Variants in PLS1 observed in about 807,000 individuals in gnomAD.
PLS1 encodes plastin 1.
In PLS1, 32 loss-of-function variants were observed where a neutral mutation model predicts 73.7. The observed-to-expected ratio is 0.43, with a 90% CI of 0.33 to 0.58. PLS1 has a LOEUF of 0.58. Among genes scored for constraint, PLS1 ranks in the 20% least tolerant of loss-of-function variants. The pLI is 0.04. For synonymous variants in PLS1, 217 were observed against 261.3 expected, an observed-to-expected ratio of 0.83 and a Z score of 1.63; for missense variants, 633 against 740.5, an observed-to-expected ratio of 0.85 and a Z score of 1.68.
intron 12 of PLS1, among the ~76,000 whole-genome samples, chr3:142,702,960 A>G (rs376038585): frequency 2.0e-4 from 31 of 152,314 alleles, no homozygotes; most frequent in African/African-American, 7.5e-4. Context: ...AAGGCTAAGT[A>G]TAGTAGAAGA....
chr3:142,695,588 T>C (rs1481407753), intron 11 of PLS1, among the ~76,000 whole-genome samples: 4 of 152,156 alleles, frequency 2.6e-5, no homozygotes, highest in Non-Finnish European at 5.9e-5. Context: ...TTTGAAAGAA[T>C]GTCTATAATA....
At chr3:142,597,256 T>C (rs2035830673) in intron 1 of PLS1, 1 of 152,192 alleles carries the variant, frequency 6.6e-6, no homozygotes, top group African/African-American at 2.4e-5. Flanking sequence ...TGGATACACT[T>C]GTATGAGGCT....
At chr3:142,629,660 A>G (rs989846672) in intron 1 of PLS1, among the ~76,000 whole-genome samples, 3 of 152,246 alleles carry the variant, frequency 2.0e-5, no homozygotes, top group African/African-American at 7.2e-5. Context: ...GAACAGTGCC[A>G]GTTCTTACCA....
chr3:142,650,058 T>C (rs980448325), intron 1 of PLS1, among the ~76,000 whole-genome samples: 1 of 152,030 alleles, frequency 6.6e-6, no homozygotes, highest in African/African-American at 2.4e-5. Flanking sequence ...AGAAACCCAG[T>C]TTAAATGGCT....
At chr3:142,708,862 A>C in intron 14 of PLS1, among the ~76,000 whole-genome samples, 1 of 152,238 alleles carries the variant, frequency 6.6e-6, no homozygotes, top group East Asian at 1.9e-4. Flanking sequence ...TCTTGGAAAC[A>C]AGAAGATAAG....
At chr3:142,628,355 ATG>A (rs1190975701) in intron 1 of PLS1, among the ~76,000 whole-genome samples, 8 of 29,594 alleles carry the variant, frequency 2.7e-4, no homozygotes, top group Admixed American at 1.1e-3. Context: ...GCACATGTGC[ATG>A]CAGTGTGCAT....
chr3:142,668,743 A>G (rs1032798469), intron 2 of PLS1, among the ~76,000 whole-genome samples: 1 of 151,934 alleles, frequency 6.6e-6, no homozygotes, highest in Non-Finnish European at 1.5e-5. Context: ...CTTTGATTAC[A>G]GGTGCCCGCC....
At chr3:142,691,694 G>A (rs750472842) in intron 10 of PLS1, among the ~76,000 whole-genome samples, 4 of 152,080 alleles carry the variant, frequency 2.6e-5, no homozygotes, top group Non-Finnish European at 5.9e-5. Context: ...TGCCAAAAAT[G>A]TATTTGACTT....
intron 1 of PLS1, among the ~76,000 whole-genome samples, chr3:142,635,515 A>T (rs2036663004): frequency 6.6e-6 from 1 of 151,964 alleles, no homozygotes; most frequent in Non-Finnish European, 1.5e-5. Context: ...AGGCAGAAGA[A>T]TTGCTTGAAC....
At chr3:142,605,817 T>C (rs1335121355) in intron 1 of PLS1, among the ~76,000 whole-genome samples, 1 of 152,244 alleles carries the variant, frequency 6.6e-6, no homozygotes, top group Non-Finnish European at 1.5e-5. Context: ...AAAATATCCA[T>C]CTCTTTCATC....
chr3:142,679,234 T>G (rs1186747664), intron 6 of PLS1, among the ~76,000 whole-genome samples: 3 of 151,748 alleles, frequency 2.0e-5, no homozygotes, highest in African/African-American at 7.3e-5. Flanking sequence ...GCCTTTTCAC[T>G]CTGATGGTAG....
intron 1 of PLS1, among the ~76,000 whole-genome samples, chr3:142,643,121 A>T (rs1285814477): frequency 2.0e-5 from 3 of 152,208 alleles, no homozygotes; most frequent in African/African-American, 7.2e-5. Context: ...GTAGAAGCTG[A>T]GGAAAGAATT....
At chr3:142,598,782 G>C (rs1252281501) in intron 1 of PLS1, among the ~76,000 whole-genome samples, 4 of 152,118 alleles carry the variant, frequency 2.6e-5, no homozygotes, top group African/African-American at 9.7e-5. Flanking sequence ...TGGATCACAA[G>C]GTCAGGAGAT....
intron 1 of PLS1, among the ~76,000 whole-genome samples, chr3:142,658,200 C>T (rs1015700897): frequency 3.9e-5 from 6 of 152,086 alleles, no homozygotes; most frequent in African/African-American, 1.4e-4. Flanking sequence ...AGGCTGAGGA[C>T]ATTGGCTCAT....
intron 14 of PLS1, among the ~76,000 whole-genome samples, chr3:142,705,632 A>G (rs186762127): frequency 1.3e-5 from 2 of 152,382 alleles, no homozygotes; most frequent in Admixed American, 6.5e-5. Flanking sequence ...GAAATAAAGT[A>G]CAAAGAGATG....
At chr3:142,619,694 G>C (rs9847445) in intron 1 of PLS1, 1 of 152,102 alleles carries the variant, frequency 6.6e-6, no homozygotes, top group South Asian at 2.1e-4. Context: ...GTAATTGATT[G>C]TATTATCTTT....
intron 1 of PLS1, among the ~76,000 whole-genome samples, chr3:142,641,315 T>C (rs2036835538): frequency 6.8e-6 from 1 of 146,862 alleles, no homozygotes; most frequent in Non-Finnish European, 1.5e-5. Flanking sequence ...ATATATATAT[T>C]TATGTTAAGT....
intron 1 of PLS1, among the ~76,000 whole-genome samples, chr3:142,651,462 C>CAAAAAAA (rs57909380): frequency 2.0e-5 from 2 of 102,290 alleles, no homozygotes; most frequent in Admixed American, 1.1e-4. Flanking sequence ...AACTCTGTCT[C>CAAAAAAA]AAAAAAAAAA....
intron 12 of PLS1, among the ~76,000 whole-genome samples, chr3:142,700,895 C>T (rs953228851): frequency 1.3e-5 from 2 of 152,168 alleles, no homozygotes; most frequent in Non-Finnish European, 2.9e-5. Context: ...CTTAAGAGAT[C>T]TGATGGTTTT....
Sources: gnomAD v4.1 joint callset for allele counts (sites outside exome capture counted in the v4.1 genomes callset) on GRCh38, gnomAD v4.1.1 for gene constraint, MANE v1.5 for transcripts, NCBI Gene and HGNC (gene_info 2026-07-23, HGNC 2026-07-21) for gene names.